Variants in ECE1 observed in about 807,000 individuals in gnomAD.
The protein encoded by ECE1 is endothelin converting enzyme 1.
ECE1 carries 35 observed loss-of-function variants against 98.6 expected under a neutral mutation model. The observed-to-expected ratio is 0.35, with a 90% confidence interval of 0.27 to 0.47. The LOEUF (loss-of-function observed/expected upper bound fraction) is 0.47. Among genes scored for constraint, ECE1 ranks in the 20% least tolerant of loss-of-function variants. The pLI is 1.00. For missense variants in ECE1, 814 were observed against 1,025.3 expected (o/e 0.79, Z 2.81); for synonymous variants, 394 against 407.1 (o/e 0.97, Z 0.39).
In ECE1 at chr1:21,233,086, C is replaced by T. The variant is rs2098183849; in HGVS notation, c.1670+472G>A. On this transcript the variant is annotated intron_variant, in intron 14 of 18. Coordinates refer to ENST00000374893, the MANE Select transcript of ECE1 (RefSeq NM_001397.3). The surrounding 1 kb of genome is among the most constrained non-coding windows in gnomAD (Gnocchi z 4.0). Reference sequence around the variant, plus strand: ...AGAACCTTCCCCAGGCCTCTGTGGGCTCCCTGTCCTGAGATCCCACCATTC... The same window carrying T: ...AGAACCTTCCCCAGGCCTCTGTGGGTTCCCTGTCCTGAGATCCCACCATTC... 5.9e-6 allele frequency: 1 copy of T among 170,468 alleles called. No homozygotes were observed. Among genetic ancestry groups the T allele is most frequent in the Non-Finnish European group, 1.3e-5 (1 of 78,030 alleles). 10.6% of individuals were successfully genotyped at this position (170,468 alleles called of 1,614,324 possible). A position where few individuals can be genotyped will look rare whatever the true frequency, so the allele number is the denominator to read the frequency against.
At chr1:21,275,549 C>T (rs1211311548) in intron 3 of ECE1, among the ~76,000 whole-genome samples, 2 of 152,090 alleles carry the variant, frequency 1.3e-5, no homozygotes, top group East Asian at 1.9e-4. Flanking sequence ...GAGCCAAGAT[C>T]GCGCCACTGC....
chr1:21,259,598 G>A (rs1360707383), intron 5 of ECE1, among the ~76,000 whole-genome samples: 1 of 152,068 alleles, frequency 6.6e-6, no homozygotes, highest in African/African-American at 2.4e-5. Flanking sequence ...CAGAGAGGAG[G>A]GGACTAGCAT....
At chr1:21,308,871 A>C (rs532465395) in intron 1 of ECE1, among the ~76,000 whole-genome samples, 6 of 152,086 alleles carry the variant, frequency 3.9e-5, no homozygotes, top group African/African-American at 1.4e-4. Context: ...GCAGTTTTAA[A>C]ACTCCCCAGT....
At chr1:21,306,751 C>T (rs1033643926) in intron 1 of ECE1, among the ~76,000 whole-genome samples, 2 of 152,178 alleles carry the variant, frequency 1.3e-5, no homozygotes, top group Non-Finnish European at 2.9e-5. Flanking sequence ...CAACTTGACC[C>T]TAACCAGTAC....
chr1:21,281,659 C>G (rs921553769), intron 2 of ECE1, among the ~76,000 whole-genome samples: 3 of 152,142 alleles, frequency 2.0e-5, no homozygotes, highest in Non-Finnish European at 4.4e-5. Flanking sequence ...GCTCAGCTCA[C>G]AGGGCACAAG....
chr1:21,302,258 C>G lies in ECE1; in HGVS notation c.4-12102G>C, dbSNP rs1363894488. ...TCTTTGAACAGTCCTGCCACCTCCC[C>G]CTCTTCTGGCCCAGGCCCCACACCA... On this transcript the variant is annotated intron_variant, in intron 1 of 18. Coordinates refer to the ECE1 transcript ENST00000415912. Among the ~76,000 whole-genome samples, 6 of 152,216 alleles carry G rather than the reference C, an allele frequency of 3.9e-5. No individual in the cohort carries two copies. The East Asian group carries it at 9.6e-4, about 24-fold the overall frequency.
At chr1:21,335,246 G>A (rs994391087) in intron 1 of ECE1, among the ~76,000 whole-genome samples, 4 of 150,742 alleles carry the variant, frequency 2.7e-5, no homozygotes, top group Admixed American at 6.6e-5. Flanking sequence ...TTTCCTGGCC[G>A]CTCCTCTAGA....
intron 1 of ECE1, among the ~76,000 whole-genome samples, chr1:21,331,081 C>A (rs1422475157): frequency 1.3e-5 from 2 of 152,124 alleles, no homozygotes; most frequent in Non-Finnish European, 1.5e-5. Context: ...TTGAGACCAG[C>A]CTAGGCAACA....
At position 21,225,534 on chromosome 1, in the gene ECE1, G is replaced by A. The variant is rs967744899; in HGVS notation, c.1850-94C>T. ...GCTCCTGGTGAGAAGCGGTTCATCC[G>A]TCCACCCCCGTCCTCCAGCCACCAT... On this transcript the variant is annotated intron_variant, in intron 16 of 18. Transcript: ENST00000374893. The surrounding 1 kb of genome is among the most constrained non-coding windows in gnomAD (Gnocchi z 5.3). The A allele has an allele frequency of 7.8e-6, 11 of 1,402,936 alleles. No individual in the cohort carries two copies. Among genetic ancestry groups the A allele is most frequent in the Admixed American group, 4.0e-5 (2 of 49,868 alleles). 86.9% of individuals were successfully genotyped at this position (1,402,936 alleles called of 1,614,324 possible).
chr1:21,260,855 T>G lies in ECE1; in HGVS notation c.494-463A>C, dbSNP rs1212064201. On this transcript the variant is annotated intron_variant, in intron 4 of 18. Coordinates refer to ENST00000374893, the MANE Select transcript of ECE1 (RefSeq NM_001397.3). The surrounding 1 kb of genome is among the most constrained non-coding windows in gnomAD (Gnocchi z 4.3). ...TCAAAAGGCTCATTCATTATGAATTTACTTTTTGCTTCCTCCTTGGAGGGG... is the reference window on the plus strand; with the variant it reads ...TCAAAAGGCTCATTCATTATGAATTGACTTTTTGCTTCCTCCTTGGAGGGG... 1.3e-5 allele frequency among the ~76,000 whole-genome samples: 2 copies of G among 152,220 alleles called. No homozygotes were observed. Among genetic ancestry groups the G allele is most frequent in the South Asian group, 2.1e-4 (1 of 4,834 alleles).
chr1:21,221,954 G>C (rs2098168010), intron 17 of ECE1, 112 bp from the exon 18 acceptor site: 2 of 942,896 alleles, frequency 2.1e-6, no homozygotes, highest in Middle Eastern at 3.1e-4. Context: ...ACTAGTTTCT[G>C]GGGATCTGGG....
intron 14 of ECE1, among the ~76,000 whole-genome samples, chr1:21,229,702 A>C (rs2098179290): frequency 6.6e-6 from 1 of 152,214 alleles, no homozygotes; most frequent in South Asian, 2.1e-4. Flanking sequence ...GATATTAACA[A>C]ATGTGGATTT....
intron 1 of ECE1, among the ~76,000 whole-genome samples, chr1:21,343,979 G>T (rs781328316): frequency 3.9e-5 from 6 of 152,104 alleles, no homozygotes; most frequent in Admixed American, 3.9e-4. Context: ...TCCCTGTGTC[G>T]GAAACGGTCT....
chr1:21,236,639 A>G (rs970025639), intron 12 of ECE1, 107 bp downstream of exon 12: 5 of 1,127,376 alleles, frequency 4.4e-6, no homozygotes, highest in Non-Finnish European at 6.7e-6. Flanking sequence ...ACAAGAACGA[A>G]ACTCTGCCTC....
In ECE1 at chr1:21,260,954, G is replaced by A. The variant is rs947626794; in HGVS notation, c.494-562C>T. On this transcript the variant is annotated intron_variant, in intron 4 of 18. Coordinates refer to ENST00000374893, the MANE Select transcript of ECE1 (RefSeq NM_001397.3). The surrounding 1 kb of genome is among the most constrained non-coding windows in gnomAD (Gnocchi z 4.3). ...CCGCCCTTGCCAACTCCAGCAAGCAGCATCTCCCTCCTGCAGTGGCTTCTC... is the reference window on the plus strand; with the variant it reads ...CCGCCCTTGCCAACTCCAGCAAGCAACATCTCCCTCCTGCAGTGGCTTCTC... Among the ~76,000 whole-genome samples the A allele has an allele frequency of 6.6e-6, 1 of 152,228 alleles. No homozygotes were observed.
intron 3 of ECE1, among the ~76,000 whole-genome samples, chr1:21,276,345 GAAC>G (rs1162067697): frequency 6.6e-6 from 1 of 151,710 alleles, no homozygotes; most frequent in African/African-American, 2.4e-5. Context: ...GTTTTTGAAT[GAAC>G]AACCGAATGA....
intron 18 of ECE1, 82 bp downstream of exon 18, chr1:21,221,665 C>T (rs545326715): frequency 1.1e-4 from 165 of 1,437,232 alleles, no homozygotes; most frequent in Middle Eastern, 1.7e-4. Flanking sequence ...CTGTGGGGAA[C>T]TTGCCTTTCG....
chr1:21,269,115 C>T (rs899585464), intron 4 of ECE1, among the ~76,000 whole-genome samples: 2 of 152,220 alleles, frequency 1.3e-5, no homozygotes, highest in Non-Finnish European at 2.9e-5. Context: ...CGGCTGCTCT[C>T]CCTGCCAGCA....
intron 1 of ECE1, among the ~76,000 whole-genome samples, chr1:21,332,547 C>G (rs1338715881): frequency 8.3e-6 from 1 of 120,750 alleles, no homozygotes; most frequent in African/African-American, 3.3e-5. Context: ...CAAACCCAGG[C>G]AGGCTGGGCC....
Sources: gnomAD v4.1 joint callset for allele counts (sites outside exome capture counted in the v4.1 genomes callset) on GRCh38, gnomAD v4.1.1 for gene constraint, Gnocchi (gnomAD v3.1) non-coding constraint, MANE v1.5 for transcripts, NCBI Gene and HGNC (gene_info 2026-07-23, HGNC 2026-07-21) for gene names.